Variants in CDC42BPB observed in about 807,000 individuals in gnomAD.
CDC42BPB encodes serine/threonine-protein kinase MRCK beta.
In CDC42BPB, 37 loss-of-function variants were observed where a neutral mutation model predicts 214.9. That is an observed-to-expected ratio of 0.17 (90% CI 0.13 to 0.23). The LOEUF (loss-of-function observed/expected upper bound fraction) is 0.23. Ranked by LOEUF, CDC42BPB falls within the 10% of genes least tolerant of loss-of-function variation. The pLI, the probability that CDC42BPB is intolerant of heterozygous loss-of-function variation, is 1.00. For missense variants in CDC42BPB, 1,694 were observed against 2,227.0 expected (o/e 0.76, Z 4.82); for synonymous variants, 931 against 884.0 (o/e 1.05, Z -0.94).
chr14:103,041,220 T>C (rs1451408436), intron 1 of CDC42BPB, among the ~76,000 whole-genome samples: 1 of 152,210 alleles, frequency 6.6e-6, no homozygotes, highest in Non-Finnish European at 1.5e-5. Flanking sequence ...ACTGGTTATC[T>C]GCGTGCAAAA....
intron 21 of CDC42BPB, among the ~76,000 whole-genome samples, chr14:102,958,616 A>G (rs533229437): frequency 6.6e-6 from 1 of 151,874 alleles, no homozygotes; most frequent in South Asian, 2.1e-4. Flanking sequence ...CCTGCGGCCC[A>G]TGGAGGGAGG....
chr14:102,956,729 T>C (rs1382965532), intron 21 of CDC42BPB, among the ~76,000 whole-genome samples: 1 of 152,148 alleles, frequency 6.6e-6, no homozygotes, highest in African/African-American at 2.4e-5. Flanking sequence ...CTCAGGAGGC[T>C]GAGGCAGGAG....
rs1476842864 is a variant in CDC42BPB, at chr14:102,954,242, C to T, written c.3022G>A (p.Val1008Met). ...AGGGCCTGCGTGGTGGGCAACGGCA[C>T]AGCGGATGGCCTCTGCGGGGGCCGA... The part of the protein sequence containing the change: ...MARPPQRPSA[V>M]PLPTTQALAL... Residue 1008 changes from valine to methionine, a missense_variant, in exon 23 of 37, where the codon GTG (valine) becomes ATG (methionine). Coordinates refer to ENST00000361246, the MANE Select transcript of CDC42BPB (RefSeq NM_006035.4). The T allele has an allele frequency of 4.5e-6, 7 of 1,544,596 alleles. No homozygotes were observed. The highest frequency in any genetic ancestry group is 2.0e-5 in the Admixed American group (1 of 49,004).
At chr14:103,034,692 T>C (rs1887568580) in intron 1 of CDC42BPB, among the ~76,000 whole-genome samples, 1 of 151,746 alleles carries the variant, frequency 6.6e-6, no homozygotes, top group Non-Finnish European at 1.5e-5. Flanking sequence ...ATGATACACA[T>C]CTATAATCCC....
rs1892014719 is a variant in CDC42BPB at position 102,943,846 on chromosome 14, G to A, written c.4408+45C>T. The A allele has an allele frequency of 6.5e-7, 1 of 1,529,740 alleles. No individual in the cohort carries two copies. Among genetic ancestry groups the A allele is most frequent in the Non-Finnish European group, 8.8e-7 (1 of 1,132,870 alleles). 94.8% of individuals were successfully genotyped at this position (1,529,740 alleles called of 1,614,324 possible). On this transcript the variant is annotated intron_variant, in intron 30 of 36. Transcript: ENST00000361246. The surrounding 1 kb of genome is among the most constrained non-coding windows in gnomAD (Gnocchi z 4.6). ...AATCGAACACATGCTGACTGTCGGT[G>A]GGAAAAGCAGCAACAGGGATATGCA...
At chr14:103,050,859 A>G (rs1164214817) in intron 1 of CDC42BPB, among the ~76,000 whole-genome samples, 1 of 152,116 alleles carries the variant, frequency 6.6e-6, no homozygotes, top group African/African-American at 2.4e-5. Context: ...ATCACCTTAC[A>G]ATAGGTCCCA....
At chr14:102,952,398 G>T in intron 24 of CDC42BPB, 100 bp downstream of exon 24, 1 of 693,092 alleles carries the variant, frequency 1.4e-6, no homozygotes, top group Non-Finnish European at 2.5e-6. Context: ...ACTTTAGTTT[G>T]GTTTGCTTGC....
chr14:103,008,345 C>T (rs1055143558), intron 3 of CDC42BPB, 127 bp downstream of exon 3: 5 of 662,214 alleles, frequency 7.6e-6, no homozygotes, highest in African/African-American at 5.4e-5. Context: ...AGAGAGTGCT[C>T]GCTCTGTCCG....
At chr14:103,038,877 T>C (rs1254917307) in intron 1 of CDC42BPB, among the ~76,000 whole-genome samples, 1 of 152,070 alleles carries the variant, frequency 6.6e-6, no homozygotes, top group African/African-American at 2.4e-5. Context: ...ATTTTAACCG[T>C]TTTTTGAGAT....
intron 1 of CDC42BPB, among the ~76,000 whole-genome samples, chr14:103,031,757 C>A (rs1050040737): frequency 1.3e-5 from 2 of 152,104 alleles, no homozygotes; most frequent in Non-Finnish European, 2.9e-5. Context: ...ATGCCCAACC[C>A]GTCTGGCTTC....
At chr14:102,981,775 C>T (rs1031490055) in intron 7 of CDC42BPB, among the ~76,000 whole-genome samples, 7 of 152,090 alleles carry the variant, frequency 4.6e-5, no homozygotes, top group Non-Finnish European at 8.8e-5. Context: ...GAGATTCCAG[C>T]TCAAAACAAA....
At chr14:103,052,708 G>A (rs1160527203) in intron 1 of CDC42BPB, among the ~76,000 whole-genome samples, 4 of 152,160 alleles carry the variant, frequency 2.6e-5, no homozygotes, top group African/African-American at 9.7e-5. Flanking sequence ...ACTGGGGACT[G>A]GAAACCCACG....
intron 2 of CDC42BPB, among the ~76,000 whole-genome samples, chr14:103,009,117 C>T (rs1479219863): frequency 1.3e-5 from 2 of 152,238 alleles, no homozygotes; most frequent in Non-Finnish European, 2.9e-5. Context: ...CAACTCAGCA[C>T]TTCCTGTAAG....
At chr14:102,945,616 G>A in intron 29 of CDC42BPB, 46 bp downstream of exon 29, 1 of 1,561,436 alleles carries the variant, frequency 6.4e-7, no homozygotes, top group Non-Finnish European at 8.8e-7. Context: ...GCAGAGGCCA[G>A]GCTGGGCCTG....
rs373015493 is a variant in CDC42BPB, at chr14:102,954,661, G to C, written c.2929C>G (p.Gln977Glu). Residue 977 changes from glutamine to glutamate, a missense_variant, in exon 22 of 37, where the codon CAA becomes GAA. Gln to Glu is a conservative substitution (Grantham distance 29, BLOSUM62 2). This residue lies in a region of CDC42BPB where 156 missense variants were observed against 154.5 expected (regional missense o/e 1.01). Transcript: ENST00000361246. ...RTSSASEQET[Q>E]APKPEASPSM... ...GGGGACGCTTCTGGCTTCGGAGCTT[G>C]TGTTTCTTGCTCACTAGCTGAGCTG... 1.2e-6 allele frequency: 2 copies of C among 1,613,832 alleles called. No individual in the cohort carries two copies.
chr14:103,042,372 T>A (rs1382079866), intron 1 of CDC42BPB, among the ~76,000 whole-genome samples: 1 of 152,050 alleles, frequency 6.6e-6, no homozygotes. Flanking sequence ...TTCAGTGGCG[T>A]GATCTCAGCT....
chr14:103,054,884 A>G (rs963927569), intron 1 of CDC42BPB, among the ~76,000 whole-genome samples: 1 of 152,260 alleles, frequency 6.6e-6, no homozygotes, highest in Non-Finnish European at 1.5e-5. Flanking sequence ...ACATGCTGAC[A>G]AGAGCTTCCT....
At chr14:103,000,796 T>C (rs1242997938) in intron 4 of CDC42BPB, among the ~76,000 whole-genome samples, 1 of 152,154 alleles carries the variant, frequency 6.6e-6, no homozygotes, top group Non-Finnish European at 1.5e-5. Flanking sequence ...CACAGGCCAG[T>C]GCTGTCCTGT....
intron 1 of CDC42BPB, among the ~76,000 whole-genome samples, chr14:103,051,161 G>GGGGGGGCGGGGGGT (rs1888585710): frequency 7.5e-6 from 1 of 134,198 alleles, no homozygotes; most frequent in African/African-American, 2.8e-5. Context: ...GGGCGGGGGG[G>GGGGGGGCGGGGGGT]CGGGAGATTA....
Sources: gnomAD v4.1 joint callset for allele counts (sites outside exome capture counted in the v4.1 genomes callset) on GRCh38, gnomAD v4.1.1 for gene constraint, gnomAD v4.1.1 regional missense constraint, Gnocchi (gnomAD v3.1) non-coding constraint, MANE v1.5 for transcripts, NCBI Gene and HGNC (gene_info 2026-07-23, HGNC 2026-07-21) for gene names.